Variants in HS6ST3 observed in about 807,000 individuals in gnomAD.
HS6ST3 encodes heparan-sulfate 6-O-sulfotransferase 3.
HS6ST3 carries 12 observed loss-of-function variants against 36.7 expected under a neutral mutation model. The observed-to-expected ratio is 0.33, with a 90% confidence interval of 0.21 to 0.53. HS6ST3 has a LOEUF of 0.53. Ranked by LOEUF, HS6ST3 falls within the 20% of genes least tolerant of loss-of-function variation. The pLI is 0.95. For missense variants in HS6ST3, 584 were observed against 640.9 expected, an observed-to-expected ratio of 0.91 and a Z score of 0.96; for synonymous variants, 240 against 257.5, an observed-to-expected ratio of 0.93 and a Z score of 0.65.
intron 1 of HS6ST3, among the ~76,000 whole-genome samples, chr13:96,233,774 G>C (rs2054519267): frequency 6.6e-6 from 1 of 152,054 alleles, no homozygotes; most frequent in African/African-American, 2.4e-5. Context: ...ATAATGACTT[G>C]GTACCTGAAG....
intron 1 of HS6ST3, among the ~76,000 whole-genome samples, chr13:96,591,196 A>G (rs1037951220): frequency 1.3e-5 from 2 of 152,064 alleles, no homozygotes; most frequent in African/African-American, 4.8e-5. Flanking sequence ...GTGGTTCCAC[A>G]TAAATTTTAG....
chr13:96,430,261 A>G (rs551991983), intron 1 of HS6ST3, among the ~76,000 whole-genome samples: 12 of 152,264 alleles, frequency 7.9e-5, no homozygotes, highest in Non-Finnish European at 1.3e-4. Context: ...TAATGCCTAC[A>G]TCTCGTAGGT....
At chr13:96,792,829 T>C (rs1877822636) in intron 1 of HS6ST3, among the ~76,000 whole-genome samples, 1 of 152,072 alleles carries the variant, frequency 6.6e-6, no homozygotes. Context: ...ATCATGCCTC[T>C]TGTAATGAGA....
chr13:96,519,933 G>T (rs2056086773), intron 1 of HS6ST3, among the ~76,000 whole-genome samples: 1 of 152,096 alleles, frequency 6.6e-6, no homozygotes, highest in Non-Finnish European at 1.5e-5. Flanking sequence ...AGCATTATTT[G>T]ATTTTCCCCA....
At chr13:96,273,738 A>G (rs1277582659) in intron 1 of HS6ST3, among the ~76,000 whole-genome samples, 1 of 152,150 alleles carries the variant, frequency 6.6e-6, no homozygotes, top group Admixed American at 6.6e-5. Context: ...AAATTAGTTG[A>G]GGCAAAACCA....
At chr13:96,158,129 T>C (rs2054118814) in intron 1 of HS6ST3, among the ~76,000 whole-genome samples, 1 of 152,062 alleles carries the variant, frequency 6.6e-6, no homozygotes. Flanking sequence ...TTAAGAGCGA[T>C]GTAAAGGAAG....
chr13:96,318,915 G>A (rs569249271), intron 1 of HS6ST3, among the ~76,000 whole-genome samples: 1 of 152,048 alleles, frequency 6.6e-6, no homozygotes, highest in Admixed American at 6.5e-5. Flanking sequence ...ATTCACAAAG[G>A]AAAATGTTAA....
intron 1 of HS6ST3, among the ~76,000 whole-genome samples, chr13:96,243,329 C>T (rs970252931): frequency 6.6e-6 from 1 of 152,178 alleles, no homozygotes; most frequent in Non-Finnish European, 1.5e-5. Context: ...GTTTTCTTAG[C>T]AGACCTTAAG....
intron 1 of HS6ST3, among the ~76,000 whole-genome samples, chr13:96,175,328 C>CT (rs2054207245): frequency 2.0e-5 from 3 of 151,894 alleles, no homozygotes; most frequent in Non-Finnish European, 4.4e-5. Flanking sequence ...CGTGAGCAGT[C>CT]TGATACCTAG....
intron 1 of HS6ST3, among the ~76,000 whole-genome samples, chr13:96,415,502 G>C (rs1371989042): frequency 6.6e-6 from 1 of 152,234 alleles, no homozygotes. Context: ...TTTGAACGCT[G>C]TTTGTGCTGG....
intron 1 of HS6ST3, among the ~76,000 whole-genome samples, chr13:96,605,756 G>A (rs968360484): frequency 2.0e-5 from 3 of 151,940 alleles, no homozygotes; most frequent in African/African-American, 7.3e-5. Flanking sequence ...TCTGTTTGGT[G>A]AGCTTGTTTA....
intron 1 of HS6ST3, among the ~76,000 whole-genome samples, chr13:96,356,237 A>C (rs2055209525): frequency 6.6e-6 from 1 of 152,178 alleles, no homozygotes; most frequent in African/African-American, 2.4e-5. Context: ...AGCTTCTTCC[A>C]AAATCCTGTT....
chr13:96,608,750 T>C (rs1302572091), intron 1 of HS6ST3, among the ~76,000 whole-genome samples: 1 of 152,164 alleles, frequency 6.6e-6, no homozygotes, highest in African/African-American at 2.4e-5. Context: ...AAGCTATTTT[T>C]AAAACACAAT....
In HS6ST3 at chr13:96,139,243, A is replaced by G. The variant is rs2054017490; in HGVS notation, c.707+47674A>G. ...ATTTTTCTGAGTAATCATGTTAATA[A>G]CTATGGTATGTGAAATAATTCCTGC... On this transcript the variant is annotated intron_variant, in intron 1 of 1. Transcript: ENST00000376705. Among the ~76,000 whole-genome samples the G allele has an allele frequency of 2.6e-5, 4 of 152,250 alleles. No individual in the cohort carries two copies. In the South Asian group the frequency reaches 8.3e-4, roughly 32 times the overall value.
chr13:96,644,608 A>G lies in HS6ST3; in HGVS notation c.708-187882A>G, dbSNP rs558344361. 2.6e-5 allele frequency among the ~76,000 whole-genome samples: 4 copies of G among 152,132 alleles called. No individual in the cohort carries two copies. The South Asian group carries it at 8.3e-4, about 31-fold the overall frequency. ...GGTGCAGAATGCAGAGAGTAGAAGC[A>G]GCCTAGGAGACTGATTAACATTCTT... On this transcript the variant is annotated intron_variant, in intron 1 of 1. Transcript: ENST00000376705.
chr13:96,448,253 C>G (rs1215822179), intron 1 of HS6ST3, among the ~76,000 whole-genome samples: 2 of 152,196 alleles, frequency 1.3e-5, no homozygotes, highest in African/African-American at 4.8e-5. Context: ...GTCTTAACTT[C>G]TATGCCGCTT....
At chr13:96,420,105 G>T (rs961654359) in intron 1 of HS6ST3, among the ~76,000 whole-genome samples, 3 of 152,102 alleles carry the variant, frequency 2.0e-5, no homozygotes, top group African/African-American at 7.2e-5. Flanking sequence ...CCTTCCTGCT[G>T]CAGGTTTTCC....
At chr13:96,312,555 A>G (rs956775287) in intron 1 of HS6ST3, among the ~76,000 whole-genome samples, 3 of 151,926 alleles carry the variant, frequency 2.0e-5, no homozygotes, top group African/African-American at 4.8e-5. Context: ...TCTGTTAAAA[A>G]TCTCCTTAAT....
intron 1 of HS6ST3, among the ~76,000 whole-genome samples, chr13:96,733,276 A>G (rs934748422): frequency 6.6e-6 from 1 of 152,194 alleles, no homozygotes; most frequent in African/African-American, 2.4e-5. Context: ...TTTGTCATCT[A>G]TCGACTTTGT....
Sources: allele counts gnomAD v4.1 joint callset (sites outside exome capture counted in the v4.1 genomes callset), GRCh38; gene constraint gnomAD v4.1.1; transcripts MANE v1.5; gene names NCBI Gene and HGNC (gene_info 2026-07-23, HGNC 2026-07-21).